Variants in DMD observed in about 807,000 individuals in gnomAD.
DMD encodes dystrophin.
In DMD, 63 loss-of-function variants were observed where a neutral mutation model predicts 330.1. The observed-to-expected ratio is 0.19, with a 90% CI of 0.16 to 0.24. DMD has a LOEUF of 0.24. Ranked by LOEUF, DMD falls within the 10% of genes least tolerant of loss-of-function variation. The pLI, the probability that DMD is intolerant of heterozygous loss-of-function variation, is 1.00. For synonymous variants in DMD, 1,223 were observed against 959.8 expected (o/e 1.27, Z -5.07); for missense variants, 3,344 against 2,684.1 (o/e 1.25, Z -5.43).
intron 63 of DMD, among the ~76,000 whole-genome samples, chrX:31,235,021 G>A (rs894811574): frequency 9.0e-6 from 1 of 111,454 alleles, no homozygotes; most frequent in Non-Finnish European, 1.9e-5. Flanking sequence ...GGTGGAGGAT[G>A]AGGAACCTGA....
At chrX:31,760,324 C>T (rs1052459582) in intron 51 of DMD, among the ~76,000 whole-genome samples, 1 of 112,184 alleles carries the variant, frequency 8.9e-6, no homozygotes, top group African/African-American at 3.2e-5. Flanking sequence ...ATGAACACAG[C>T]TTGATGAGTT....
At chrX:32,501,259 ACTT>A (rs1049065857) in intron 19 of DMD, among the ~76,000 whole-genome samples, 7 of 112,034 alleles carry the variant, frequency 6.2e-5, no homozygotes, top group African/African-American at 2.3e-4. Context: ...TCCCGAAGAG[ACTT>A]CTTTTTTAAA....
At chrX:31,357,330 G>A (rs1305968449) in intron 60 of DMD, among the ~76,000 whole-genome samples, 1 of 107,460 alleles carries the variant, frequency 9.3e-6, no homozygotes, top group Non-Finnish European at 1.9e-5. Context: ...AACAAAAGTG[G>A]CAATTTGAAA....
intron 67 of DMD, among the ~76,000 whole-genome samples, chrX:31,201,199 GCACA>G (rs1207889434): frequency 2.5e-5 from 1 of 39,280 alleles, no homozygotes; most frequent in Non-Finnish European, 5.5e-5. Flanking sequence ...ACACACACAC[GCACA>G]CACACACACA....
intron 56 of DMD, among the ~76,000 whole-genome samples, chrX:31,497,794 T>C (rs757639202): frequency 5.3e-5 from 6 of 112,557 alleles, no homozygotes; most frequent in African/African-American, 1.6e-4. Flanking sequence ...GGAAACGCAG[T>C]GTTAGCAAAG....
intron 15 of DMD, among the ~76,000 whole-genome samples, chrX:32,571,925 C>T (rs773658792): frequency 1.3e-3 from 147 of 111,479 alleles, no homozygotes; most frequent in African/African-American, 4.5e-3. Context: ...GATTAGTCCT[C>T]GTACCATCAA....
Position 31,178,649 on chromosome X carries a change from C to G in DMD, c.10223+20G>C, listed in dbSNP as rs886042643. The G allele has an allele frequency of 8.4e-7, 1 of 1,197,473 alleles. No homozygotes were observed. Among genetic ancestry groups the G allele is most frequent in the African/African-American group, 1.8e-5 (1 of 56,997 alleles). On this transcript the variant is annotated intron_variant, in intron 70 of 78. Coordinates refer to ENST00000357033, the MANE Select transcript of DMD (RefSeq NM_004006.3). ...AATATACATCAAACAAGAGTGTGTT[C>G]TGCTTTTGCTACTACTCACGTTTCC...
intron 50 of DMD, among the ~76,000 whole-genome samples, chrX:31,775,408 C>G (rs911790785): frequency 9.0e-6 from 1 of 110,839 alleles, no homozygotes; most frequent in Non-Finnish European, 1.9e-5. Flanking sequence ...AGTCAAAAGT[C>G]CGTGTGTGGC....
chrX:31,257,838 C>T (rs752081064), intron 63 of DMD, among the ~76,000 whole-genome samples: 1 of 111,831 alleles, frequency 8.9e-6, no homozygotes, highest in African/African-American at 3.3e-5. Flanking sequence ...CCCAGCTACT[C>T]GGGAGGCTGA....
In DMD at chrX:32,491,513, C is replaced by A. The variant is rs139726281; in HGVS notation, c.2386G>T (p.Val796Phe). The change falls in exon 20 of 79, where the codon GTT becomes TTT. Residue 796 changes from valine (V) to phenylalanine (F), a missense_variant. Val to Phe is a conservative substitution (Grantham distance 50). Transcript: ENST00000357033. Reference protein sequence around the residue: ...ALVEQMVNEGVNADSIKQASE... With the variant: ...ALVEQMVNEGFNADSIKQASE... Reference sequence around the variant, plus strand: ...GCTTGTTTGATGCTATCTGCATTAACACCCTCTAGAAAGAAAAAAATAATT... The same window carrying A: ...GCTTGTTTGATGCTATCTGCATTAAAACCCTCTAGAAAGAAAAAAATAATT... The A allele has an allele frequency of 2.5e-6, 3 of 1,206,379 alleles. No homozygotes were observed. Among genetic ancestry groups the A allele is most frequent in the Non-Finnish European group, 3.4e-6 (3 of 893,055 alleles).
At chrX:32,473,357 A>G (rs900744214) in intron 21 of DMD, among the ~76,000 whole-genome samples, 4 of 111,511 alleles carry the variant, frequency 3.6e-5, no homozygotes, top group Non-Finnish European at 7.5e-5. Flanking sequence ...ACACAGTAAA[A>G]CGGTCTAATA....
chrX:32,315,559 A>C (rs1187096141), intron 41 of DMD, among the ~76,000 whole-genome samples: 1 of 111,026 alleles, frequency 9.0e-6, no homozygotes, highest in Non-Finnish European at 1.9e-5. Flanking sequence ...GATAAAATAA[A>C]AATTAGATTC....
At chrX:32,183,483 T>C (rs1458268302) in intron 44 of DMD, among the ~76,000 whole-genome samples, 2 of 107,939 alleles carry the variant, frequency 1.9e-5, no homozygotes, top group Non-Finnish European at 3.8e-5. Flanking sequence ...TATGTTTTCT[T>C]TAATTATTGA....
At chrX:31,426,748 AG>A (rs1353562091) in intron 60 of DMD, among the ~76,000 whole-genome samples, 1 of 111,920 alleles carries the variant, frequency 8.9e-6, no homozygotes, top group African/African-American at 3.2e-5. Context: ...CTGCATTCTT[AG>A]GGGGCAGATT....
At chrX:31,132,336 G>A (rs988154793) in intron 77 of DMD, among the ~76,000 whole-genome samples, 12 of 112,111 alleles carry the variant, frequency 1.1e-4, no homozygotes, top group Non-Finnish European at 1.3e-4. Context: ...CTCTAAAAGC[G>A]GGACACAGGG....
chrX:32,236,078 T>C (rs970752628), intron 43 of DMD, among the ~76,000 whole-genome samples: 3 of 111,922 alleles, frequency 2.7e-5, no homozygotes, highest in African/African-American at 9.7e-5. Context: ...GTATTTGAGG[T>C]GATAGGATTT....
At chrX:31,266,652 G>T (rs2051152963) in intron 62 of DMD, among the ~76,000 whole-genome samples, 2 of 112,085 alleles carry the variant, frequency 1.8e-5, no homozygotes, top group South Asian at 7.4e-4. Context: ...CGCGCCGCGG[G>T]AACCCGCGGG....
At chrX:32,010,731 T>C (rs1393103540) in intron 44 of DMD, among the ~76,000 whole-genome samples, 2 of 111,987 alleles carry the variant, frequency 1.8e-5, no homozygotes, top group African/African-American at 6.5e-5. Flanking sequence ...ACCTCTTCCA[T>C]GTGTTTGGCT....
chrX:32,394,388 T>C (rs531843809), intron 30 of DMD, among the ~76,000 whole-genome samples: 2 of 112,104 alleles, frequency 1.8e-5, no homozygotes, highest in African/African-American at 6.5e-5. Flanking sequence ...AGCATCAACA[T>C]GTTCTGAACC....
Sources: gnomAD v4.1 joint callset for allele counts (sites outside exome capture counted in the v4.1 genomes callset) on GRCh38, gnomAD v4.1.1 for gene constraint, MANE v1.5 for transcripts, NCBI Gene and HGNC (gene_info 2026-07-23, HGNC 2026-07-21) for gene names.